WDR27: variants seen among roughly 807,000 people sequenced by gnomAD.
WDR27 encodes the protein WD repeat-containing protein 27.
In WDR27, 100 loss-of-function variants were observed where a neutral mutation model predicts 114.4. That is an observed-to-expected ratio of 0.87 (90% CI 0.74 to 1.03). The LOEUF (loss-of-function observed/expected upper bound fraction) is 1.03. Ranked by LOEUF, WDR27 falls within the 50% of genes least tolerant of loss-of-function variation. The probability of loss-of-function intolerance (pLI) is 0.00; values close to 1 mark genes in which losing one functional copy is unlikely to be tolerated. For synonymous variants in WDR27, 449 were observed against 423.1 expected (o/e 1.06, Z -0.75); for missense variants, 1,129 against 1,092.9 (o/e 1.03, Z -0.47).
intron 25 of WDR27, among the ~76,000 whole-genome samples, chr6:169,530,008 C>A (rs1795398943): frequency 6.6e-6 from 1 of 152,190 alleles, no homozygotes; most frequent in Non-Finnish European, 1.5e-5. Context: ...GTTTATAAAT[C>A]ATTTACAAAG....
In WDR27 at chr6:169,573,872, G is replaced by A. The variant is rs912820863; in HGVS notation, c.2524-1332C>T. Reference sequence around the variant, plus strand: ...ACATCACAGCTTTCTTTCGTCTTTTGCATCTGTGGTTTGAGATACTTCTGC... The same window carrying A: ...ACATCACAGCTTTCTTTCGTCTTTTACATCTGTGGTTTGAGATACTTCTGC... On this transcript the variant is annotated intron_variant, in intron 24 of 25. Transcript: ENST00000448612. 3.3e-5 allele frequency among the ~76,000 whole-genome samples: 5 copies of A among 152,194 alleles called. No individual in the cohort carries two copies. The East Asian group carries it at 9.6e-4, about 29-fold the overall frequency.
intron 25 of WDR27, among the ~76,000 whole-genome samples, chr6:169,491,814 T>C (rs1187143736): frequency 6.6e-6 from 1 of 152,108 alleles, no homozygotes; most frequent in African/African-American, 2.4e-5. Flanking sequence ...GAACTGGGTA[T>C]CCTAACATCC....
At chr6:169,538,917 A>G (rs914061251) in intron 25 of WDR27, among the ~76,000 whole-genome samples, 8 of 152,220 alleles carry the variant, frequency 5.3e-5, no homozygotes, top group African/African-American at 9.6e-5. Flanking sequence ...TGTGTAGGCC[A>G]TATAGTTTCT....
At chr6:169,481,069 T>TC (rs1787975227) in intron 25 of WDR27, among the ~76,000 whole-genome samples, 1 of 151,352 alleles carries the variant, frequency 6.6e-6, no homozygotes, top group African/African-American at 2.4e-5. Context: ...GCTAATCTGG[T>TC]AGTGACTTGG....
intron 25 of WDR27, among the ~76,000 whole-genome samples, chr6:169,500,560 G>A (rs1413068418): frequency 6.6e-6 from 1 of 152,198 alleles, no homozygotes; most frequent in African/African-American, 2.4e-5. Context: ...ACGCAGAGAG[G>A]GCCTGCGGAG....
Position 169,659,274 on chromosome 6 carries a change from G to A in WDR27, c.1198-67C>T, listed in dbSNP as rs1009961551. 1.3e-5 allele frequency: 21 copies of A among 1,557,626 alleles called. No individual in the cohort carries two copies. The highest frequency in any genetic ancestry group is 1.2e-4 in the African/African-American group (9 of 73,306). ...GTAAAAGCAGACGAAACGTGCATCC[G>A]CACACGTATCCTAACAGCTGCTTCA... On this transcript the variant is annotated intron_variant, in intron 11 of 25. Coordinates refer to ENST00000448612, the MANE Select transcript of WDR27 (RefSeq NM_182552.5). The surrounding 1 kb of genome is among the most constrained non-coding windows in gnomAD (Gnocchi z 4.3).
rs371548012 is a variant in WDR27 at position 169,528,115 on chromosome 6, T to C, written c.2645+44304A>G. On this transcript the variant is annotated intron_variant, in intron 25 of 25. Transcript: ENST00000448612. ...TAAGTTCCAAATAAAATTTAAAATATGTAAGAACAAATTACATAAATGTGC... is the reference window on the plus strand; with the variant it reads ...TAAGTTCCAAATAAAATTTAAAATACGTAAGAACAAATTACATAAATGTGC... Among the ~76,000 whole-genome samples, 20 of 152,228 alleles carry C rather than the reference T, an allele frequency of 1.3e-4. No homozygotes were observed. The South Asian group carries it at 2.5e-3, about 19-fold the overall frequency.
chr6:169,512,779 GTT>G (rs955330647), intron 25 of WDR27, among the ~76,000 whole-genome samples: 1 of 152,186 alleles, frequency 6.6e-6, no homozygotes, highest in African/African-American at 2.4e-5. Context: ...AGAAAGTCAT[GTT>G]TGACGTTTCA....
chr6:169,609,193 T>G (rs1347920329), intron 22 of WDR27, among the ~76,000 whole-genome samples: 2 of 152,160 alleles, frequency 1.3e-5, no homozygotes, highest in Non-Finnish European at 2.9e-5. Flanking sequence ...GTGCTCATGG[T>G]GCAAGCTGTA....
chr6:169,571,562 T>C (rs1016289179), intron 25 of WDR27, among the ~76,000 whole-genome samples: 7 of 152,206 alleles, frequency 4.6e-5, no homozygotes, highest in African/African-American at 1.7e-4. Flanking sequence ...GTGCGGCAGC[T>C]CGCACCTGCA....
In WDR27 at chr6:169,486,599, C is replaced by G. The variant is rs142071786; in HGVS notation, c.2646-28965G>C. The stretch of plus-strand genomic sequence containing the variant: ...CTCCACCTCCCGGGTCCAAGCAATT[C>G]TCCTGCCTCAGCCTCCTGAGTAGCT... On this transcript the variant is annotated intron_variant, in intron 25 of 25. Coordinates refer to ENST00000448612, the MANE Select transcript of WDR27 (RefSeq NM_182552.5). Among the ~76,000 whole-genome samples the G allele has an allele frequency of 4.7e-3, 720 of 152,338 alleles. 7 individuals are homozygous for G. The highest frequency in any genetic ancestry group is 0.03 in the East Asian group (154 of 5,174).
At chr6:169,477,301 CATTAT>C (rs1406373764) in intron 25 of WDR27, among the ~76,000 whole-genome samples, 2 of 152,172 alleles carry the variant, frequency 1.3e-5, no homozygotes, top group Non-Finnish European at 2.9e-5. Flanking sequence ...TGCCTTTTTG[CATTAT>C]ATTAGCTGGT....
rs186379907 is a variant in WDR27 at position 169,696,469 on chromosome 6, T to G, written c.-8+5082A>C. 1.3e-5 allele frequency among the ~76,000 whole-genome samples: 2 copies of G among 152,264 alleles called. 1 individual carries two copies. Among genetic ancestry groups the G allele is most frequent in the South Asian group, 4.1e-4 (2 of 4,822 alleles). The stretch of plus-strand genomic sequence containing the variant: ...ACATGCACCCAAACGTGCACACACA[T>G]GTATGCCTGCACACATATAAAAAGC... On this transcript the variant is annotated intron_variant, in intron 1 of 25. Coordinates refer to ENST00000448612, the MANE Select transcript of WDR27 (RefSeq NM_182552.5).
At chr6:169,584,950 C>CA (rs1289017699) in intron 23 of WDR27, among the ~76,000 whole-genome samples, 26 of 151,924 alleles carry the variant, frequency 1.7e-4, no homozygotes, top group South Asian at 2.1e-4. Flanking sequence ...GTGGTACTGC[C>CA]AAAAAACACA....
rs531489620 is a variant in WDR27, at chr6:169,645,049, A to T, written c.1658-1263T>A. 2.9e-3 allele frequency among the ~76,000 whole-genome samples: 171 copies of T among 58,342 alleles called. 7 individuals are homozygous for T. The highest frequency in any genetic ancestry group is 7.8e-3 in the Middle Eastern group (1 of 128). The allele number at this position is 58,342 out of a possible 152,430, so 38.3% of individuals were successfully genotyped here. A position where few individuals can be genotyped will look rare whatever the true frequency, so the allele number is the denominator to read the frequency against. ...AAAAAAAAAAAATAAAAAAAAAAAA[A>T]AAAAAAAAAGAAAATCCTAGTTCAC... On this transcript the variant is annotated intron_variant, in intron 16 of 25. Transcript: ENST00000448612.
chr6:169,610,865 G>C (rs769311005), intron 22 of WDR27, among the ~76,000 whole-genome samples: 33 of 152,176 alleles, frequency 2.2e-4, no homozygotes, highest in Non-Finnish European at 4.3e-4. Flanking sequence ...GGCATACAGA[G>C]TGGTATGATT....
chr6:169,683,011 ACAGT>A (rs1280192909), intron 2 of WDR27, among the ~76,000 whole-genome samples: 1 of 152,188 alleles, frequency 6.6e-6, no homozygotes, highest in Non-Finnish European at 1.5e-5. Context: ...TTGCAAATAC[ACAGT>A]CAGAGGAGAA....
intron 3 of WDR27, 26 bp downstream of exon 3, chr6:169,672,229 A>G: frequency 6.2e-7 from 1 of 1,608,238 alleles, no homozygotes; most frequent in Non-Finnish European, 8.5e-7. Flanking sequence ...CAGGTTTTTA[A>G]AAACATGTTT....
intron 25 of WDR27, among the ~76,000 whole-genome samples, chr6:169,516,188 C>T (rs1223507307): frequency 6.6e-6 from 1 of 152,198 alleles, no homozygotes; most frequent in Non-Finnish European, 1.5e-5. Flanking sequence ...AGAGCCCTTA[C>T]TCAACATAAC....
Sources: gnomAD v4.1 joint callset for allele counts (sites outside exome capture counted in the v4.1 genomes callset) on GRCh38, gnomAD v4.1.1 for gene constraint, Gnocchi (gnomAD v3.1) non-coding constraint, MANE v1.5 for transcripts, NCBI Gene and HGNC (gene_info 2026-07-23, HGNC 2026-07-21) for gene names.